Variants in ODF1 observed in about 807,000 individuals in gnomAD.
ODF1 encodes outer dense fiber protein 1.
Under a neutral mutation model 24.0 loss-of-function variants are expected in ODF1, and 10 were observed. The ratio of observed to expected loss-of-function variants is 0.42; its 90% CI spans 0.26 to 0.71. The LOEUF is 0.71. Ranked by LOEUF, ODF1 falls within the 30% of genes least tolerant of loss-of-function variation. The probability of loss-of-function intolerance (pLI) is 0.28; values close to 1 mark genes in which losing one functional copy is unlikely to be tolerated. For synonymous variants in ODF1, 118 were observed against 121.3 expected (o/e 0.97, Z 0.18); for missense variants, 282 against 307.9 (o/e 0.92, Z 0.63).
chr8:102,552,831 T>C (rs1314029639), intron 1 of ODF1, among the ~76,000 whole-genome samples: 1 of 152,176 alleles, frequency 6.6e-6, no homozygotes, highest in Non-Finnish European at 1.5e-5. Flanking sequence ...ATGAAAAAGA[T>C]GGTTGAAAGT....
Position 102,560,985 on chromosome 8 carries a change from T to C in ODF1, c.*101T>C, listed in dbSNP as rs1826178460. The C allele has an allele frequency of 1.7e-6, 2 of 1,151,806 alleles. No homozygotes were observed. Among genetic ancestry groups the C allele is most frequent in the South Asian group, 1.5e-5 (1 of 67,338 alleles). 71.3% of individuals were successfully genotyped at this position (1,151,806 alleles called of 1,614,324 possible). A position where few individuals can be genotyped will look rare whatever the true frequency, so the allele number is the denominator to read the frequency against. ...CTTCCCATGGCCCCTGTTGTTGAAGTACGTAGGAAACTGAATACATAACTG... is the reference window on the plus strand; with the variant it reads ...CTTCCCATGGCCCCTGTTGTTGAAGCACGTAGGAAACTGAATACATAACTG... On this transcript the variant is annotated 3_prime_UTR_variant, in exon 2 of 2. Coordinates refer to ENST00000285402, the MANE Select transcript of ODF1 (RefSeq NM_024410.4).
At position 102,551,646 on chromosome 8, in the gene ODF1, C is replaced by G. The variant is rs941997256; in HGVS notation, c.-82C>G. The G allele has an allele frequency of 1.4e-5, 17 of 1,179,860 alleles. No homozygotes were observed. The highest frequency in any genetic ancestry group is 1.5e-5 in the South Asian group (1 of 65,058). The allele number at this position is 1,179,860 out of a possible 1,614,324, so 73.1% of individuals were successfully genotyped here. A position where few individuals can be genotyped will look rare whatever the true frequency, so the allele number is the denominator to read the frequency against. ...GTGCCTCATTTATTTTTAAAAGCAA[C>G]TTCTGAGAAGGGCTTAGAACAAATT... On this transcript the variant is annotated 5_prime_UTR_variant, in exon 1 of 2. Coordinates refer to ENST00000285402, the MANE Select transcript of ODF1 (RefSeq NM_024410.4).
At chr8:102,554,913 A>T (rs1031185482) in intron 1 of ODF1, among the ~76,000 whole-genome samples, 1 of 152,178 alleles carries the variant, frequency 6.6e-6, no homozygotes, top group Non-Finnish European at 1.5e-5. Flanking sequence ...AGCCATGATT[A>T]TGCCACTACA....
At chr8:102,557,419 T>C (rs1370538391) in intron 1 of ODF1, among the ~76,000 whole-genome samples, 2 of 152,222 alleles carry the variant, frequency 1.3e-5, no homozygotes, top group Non-Finnish European at 2.9e-5. Context: ...AGAAGTATGA[T>C]CTGGCCAAGA....
chr8:102,552,653 T>G (rs1826056451), intron 1 of ODF1, among the ~76,000 whole-genome samples: 2 of 152,220 alleles, frequency 1.3e-5, no homozygotes. Context: ...ACTATGGCAC[T>G]GAGTTGTAGC....
chr8:102,557,927 G>T (rs943801229), intron 1 of ODF1, among the ~76,000 whole-genome samples: 7 of 152,184 alleles, frequency 4.6e-5, no homozygotes, highest in Admixed American at 2.6e-4. Context: ...ATCCAGAGAG[G>T]GTACCATGCC....
In ODF1 at chr8:102,555,439, C is replaced by A. The variant is rs78170202; in HGVS notation, c.320+3392C>A. ...CGGTACCTAGAAACGAATCCTGAGACCGTGTTTCTGTCCACGTACCCAAGT... is the reference window on the plus strand; with the variant it reads ...CGGTACCTAGAAACGAATCCTGAGAACGTGTTTCTGTCCACGTACCCAAGT... On this transcript the variant is annotated intron_variant, in intron 1 of 1. Coordinates refer to ENST00000285402, the MANE Select transcript of ODF1 (RefSeq NM_024410.4). Among the ~76,000 whole-genome samples, 389 of 152,316 alleles carry A rather than the reference C, an allele frequency of 2.6e-3. 2 individuals carry two copies. Among genetic ancestry groups the A allele is most frequent in the African/African-American group, 8.8e-3 (366 of 41,556 alleles).
chr8:102,551,944 T>G lies in ODF1; in HGVS notation c.217T>G (p.Cys73Gly). ...RSCGLCDLYPCCLCDYKLYCL... is the reference protein window; with the variant it reads ...RSCGLCDLYPGCLCDYKLYCL... Reference sequence around the variant, plus strand: ...TTGCGGCCTGTGTGATCTCTACCCATGTTGCCTGTGTGATTATAAGCTTTA... The same window carrying G: ...TTGCGGCCTGTGTGATCTCTACCCAGGTTGCCTGTGTGATTATAAGCTTTA... The change falls in exon 1 of 2, where the codon TGT (cysteine) becomes GGT (glycine). Residue 73 changes from cysteine (C) to glycine (G), a missense_variant. Transcript: ENST00000285402. The G allele has an allele frequency of 6.2e-7, 1 of 1,614,174 alleles. No individual in the cohort carries two copies. The highest frequency in any genetic ancestry group is 1.3e-5 in the African/African-American group (1 of 75,044).
At chr8:102,558,066 T>C (rs2511709) in intron 1 of ODF1, among the ~76,000 whole-genome samples, 132,191 of 152,234 alleles carry the variant, frequency 0.87, 57,888 homozygotes, top group African/African-American at 0.95. Flanking sequence ...TCCTACTTCT[T>C]GTTAGTGTGG....
intron 1 of ODF1, among the ~76,000 whole-genome samples, chr8:102,558,098 C>G (rs1329955281): frequency 6.6e-6 from 1 of 152,174 alleles, no homozygotes; most frequent in African/African-American, 2.4e-5. Context: ...CTGGCACACC[C>G]AGGGCAAGAA....
At chr8:102,558,848 T>G (rs1212805278) in intron 1 of ODF1, among the ~76,000 whole-genome samples, 1 of 151,484 alleles carries the variant, frequency 6.6e-6, no homozygotes, top group Non-Finnish European at 1.5e-5. Context: ...ATTTTTAAAA[T>G]AGTCCATATG....
Position 102,560,041 on chromosome 8 carries a change from T to C in ODF1, c.321-411T>C, listed in dbSNP as rs1346366643. Among the ~76,000 whole-genome samples, 31 of 151,460 alleles carry C rather than the reference T, an allele frequency of 2.0e-4. 1 individual carries two copies. The highest frequency in any genetic ancestry group is 2.0e-3 in the Admixed American group (31 of 15,244). On this transcript the variant is annotated intron_variant, in intron 1 of 1. Transcript: ENST00000285402. ...GTACGAAGCACAGTGCTAAGTAAAA[T>C]ATCATAATCTCATCTAATCCTCCAA...
chr8:102,560,926 C>T lies in ODF1; in HGVS notation c.*42C>T, dbSNP rs756675263. 7 of 1,535,702 alleles carry T rather than the reference C, an allele frequency of 4.6e-6. No homozygotes were observed. In the South Asian group the frequency reaches 7.5e-5, roughly 16 times the overall value. On this transcript the variant is annotated 3_prime_UTR_variant, in exon 2 of 2. Coordinates refer to ENST00000285402, the MANE Select transcript of ODF1 (RefSeq NM_024410.4). The stretch of plus-strand genomic sequence containing the variant: ...CATTACTTAATAGAAGTCAGTTACT[C>T]CAGCCAGGCAGCTCTCCCAATGTTT...
intron 1 of ODF1, among the ~76,000 whole-genome samples, chr8:102,555,690 A>G (rs7006719): frequency 0.011 from 1,735 of 152,300 alleles, 31 homozygotes; most frequent in African/African-American, 0.038. Context: ...CTAAGCCCTC[A>G]GAGAAAACAT....
chr8:102,558,779 C>G (rs1826144181), intron 1 of ODF1, among the ~76,000 whole-genome samples: 1 of 147,454 alleles, frequency 6.8e-6, no homozygotes, highest in African/African-American at 2.7e-5. Context: ...CACATACTCA[C>G]ACACACACTC....
rs1261051304 is a variant in ODF1, at chr8:102,560,760, GCCCCTGCAGCCCCTGCAGCCCCTGCAA to G, written c.647_673del (p.Ser216_Cys224del). The G allele has an allele frequency of 2.5e-6, 4 of 1,573,258 alleles. No individual in the cohort carries two copies. In the African/African-American group the frequency reaches 4.3e-5, roughly 17 times the overall value. ...TGCTACCCTTGCACTTCTCCTTGCA[GCCCCTGCAGCCCCTGCAGCCCCTGCAA>G]CCCCTGCAGCCCCTGCAACCCGTGC... On this transcript the variant is annotated inframe_deletion, in exon 2 of 2. Transcript: ENST00000285402.
intron 1 of ODF1, among the ~76,000 whole-genome samples, chr8:102,553,377 A>G (rs1351218720): frequency 3.7e-5 from 1 of 27,378 alleles, no homozygotes; most frequent in Non-Finnish European, 9.1e-5. Context: ...ACTGTCTCAA[A>G]AAAAAAAAAA....
At chr8:102,555,647 C>T (rs541120033) in intron 1 of ODF1, among the ~76,000 whole-genome samples, 3 of 152,310 alleles carry the variant, frequency 2.0e-5, no homozygotes, top group African/African-American at 7.2e-5. Flanking sequence ...TCATGGTGAG[C>T]TCTTTGTGGA....
In ODF1 at chr8:102,560,667, C is replaced by T. The variant is rs1826167863; in HGVS notation, c.536C>T (p.Pro179Leu). ...MNICKEFSLP[P>L]CVDEKDVTYS... is the part of the protein sequence containing the mutation. ...ATCTGCAAAGAGTTCAGCTTGCCGC[C>T]CTGTGTGGATGAGAAGGATGTAACA... is the stretch of plus-strand genomic sequence containing the variant. The change falls in exon 2 of 2, where the codon CCC (proline) becomes CTC (leucine). Residue 179 changes from proline (P) to leucine (L), a missense_variant. Coordinates refer to ENST00000285402, the MANE Select transcript of ODF1 (RefSeq NM_024410.4). 1.9e-6 allele frequency: 3 copies of T among 1,614,146 alleles called. No individual in the cohort carries two copies. The highest frequency in any genetic ancestry group is 2.5e-6 in the Non-Finnish European group (3 of 1,180,032).
Sources: gnomAD v4.1 joint callset for allele counts (sites outside exome capture counted in the v4.1 genomes callset) on GRCh38, gnomAD v4.1.1 for gene constraint, MANE v1.5 for transcripts, NCBI Gene and HGNC (gene_info 2026-07-23, HGNC 2026-07-21) for gene names.